TGFBRAP1: variants seen among roughly 807,000 people sequenced by gnomAD.
The protein encoded by TGFBRAP1 is transforming growth factor-beta receptor-associated protein 1.
TGFBRAP1 carries 20 observed loss-of-function variants against 83.2 expected under a neutral mutation model. That is an observed-to-expected ratio of 0.24 (90% CI 0.17 to 0.35). TGFBRAP1 has a LOEUF of 0.35. Among genes scored for constraint, TGFBRAP1 ranks in the 10% least tolerant of loss-of-function variants. TGFBRAP1 has a pLI of 1.00. For missense variants in TGFBRAP1, 950 were observed against 1,099.4 expected, an observed-to-expected ratio of 0.86 and a Z score of 1.92; for synonymous variants, 415 against 459.8, an observed-to-expected ratio of 0.90 and a Z score of 1.25.
At chr2:105,268,872 TTCC>T (rs1341612529) in intron 11 of TGFBRAP1, among the ~76,000 whole-genome samples, 2 of 152,236 alleles carry the variant, frequency 1.3e-5, no homozygotes, top group Non-Finnish European at 2.9e-5. Context: ...CTGCCTCAAT[TTCC>T]TCTCCTGTGA....
the TGFBRAP1 span, among the ~76,000 whole-genome samples, chr2:105,250,819 G>A: frequency 6.6e-6 from 1 of 152,218 alleles, no homozygotes; most frequent in Non-Finnish European, 1.5e-5. Context: ...ACGCCTGACT[G>A]GTTTTCGTAT....
chr2:105,311,145 T>TAA (rs11389565), intron 1 of TGFBRAP1, among the ~76,000 whole-genome samples: 207 of 125,358 alleles, frequency 1.7e-3, no homozygotes, highest in Middle Eastern at 8.8e-3. Flanking sequence ...GAGAGAGCTG[T>TAA]AAAAAAAAAA....
chr2:105,317,647 C>G (rs534159635), intron 1 of TGFBRAP1, among the ~76,000 whole-genome samples: 5 of 152,060 alleles, frequency 3.3e-5, no homozygotes, highest in South Asian at 2.1e-4. Flanking sequence ...TAAATTCTCC[C>G]ATGTGAAAAT....
In TGFBRAP1 at chr2:105,319,690, C is replaced by CAA. The variant is rs201240011; in HGVS notation, c.-18+9933_-18+9934dup. ...CTGGGCAACAAGAGCAAAACTCTCTCAAAAAAAAAAAAAAGGAAAGAAAAA... is the reference window on the plus strand; with the variant it reads ...CTGGGCAACAAGAGCAAAACTCTCTCAAAAAAAAAAAAAAAAGGAAAGAAAAA... On this transcript the variant is annotated intron_variant, in intron 1 of 11. Coordinates refer to ENST00000393359, the MANE Select transcript of TGFBRAP1 (RefSeq NM_004257.6). 5.4e-3 allele frequency among the ~76,000 whole-genome samples: 594 copies of CAA among 109,196 alleles called. 6 individuals are homozygous for CAA. The highest frequency in any genetic ancestry group is 0.019 in the African/African-American group (553 of 28,544). The allele number at this position is 109,196 out of a possible 152,430, so 71.6% of individuals were successfully genotyped here.
chr2:105,267,123 C>A lies in TGFBRAP1; in HGVS notation c.*260G>T. 1 of 439,662 alleles carries A rather than the reference C, an allele frequency of 2.3e-6. No individual in the cohort carries two copies. The allele number at this position is 439,662 out of a possible 1,614,324, so 27.2% of individuals were successfully genotyped here. ...TGTCTTGGATTACTATGTACCTGGA[C>A]AGGTGAACTCTTGTATGTTTCTGTT... On this transcript the variant is annotated 3_prime_UTR_variant, in exon 12 of 12. Coordinates refer to ENST00000393359, the MANE Select transcript of TGFBRAP1 (RefSeq NM_004257.6).
rs1285061039 is a variant in TGFBRAP1 at position 105,308,031 on chromosome 2, G to T, written c.271C>A (p.Leu91Met). 2.5e-6 allele frequency: 4 copies of T among 1,614,028 alleles called. No homozygotes were observed. The Admixed American group carries it at 6.7e-5, about 27-fold the overall frequency. ...ELRAASALNRLLVLCDNSISL... is the reference protein window; with the variant it reads ...ELRAASALNRMLVLCDNSISL... ...ATGGAGTTGTCACACAGCACCAGCA[G>T]CCTGTTGAGTGCTGAGGCCGCACGC... The change falls in exon 2 of 12, where the codon CTG (leucine) becomes ATG (methionine). Residue 91 changes from leucine (L) to methionine (M), a missense_variant. Leu to Met is a conservative substitution (Grantham distance 15). Transcript: ENST00000393359.
Position 105,267,285 on chromosome 2 carries a change from C to A in TGFBRAP1, c.*98G>T. On this transcript the variant is annotated 3_prime_UTR_variant, in exon 12 of 12. Coordinates refer to ENST00000393359, the MANE Select transcript of TGFBRAP1 (RefSeq NM_004257.6). The stretch of plus-strand genomic sequence containing the variant: ...TCCCTGGCACCCAGATGTCTCCCTT[C>A]GTCCTGGCTGACACAGAGCATGGTG... 5 of 1,493,316 alleles carry A rather than the reference C, an allele frequency of 3.3e-6. No homozygotes were observed. In the South Asian group the frequency reaches 5.3e-5, roughly 16 times the overall value. 92.5% of individuals were successfully genotyped at this position (1,493,316 alleles called of 1,614,324 possible).
intron 2 of TGFBRAP1, among the ~76,000 whole-genome samples, chr2:105,306,144 C>A (rs1475329990): frequency 6.7e-6 from 1 of 149,630 alleles, no homozygotes; most frequent in Non-Finnish European, 1.5e-5. Flanking sequence ...CTCACCGCAA[C>A]TGCTGCCTCC....
rs1408914340 is a variant in TGFBRAP1, at chr2:105,269,061, GA to G, written c.2406+210del. The stretch of plus-strand genomic sequence containing the variant: ...TTAATCACCAGCGTCCAAAAGGGGA[GA>G]AAAACTACACCGATGTTACACCTAC... On this transcript the variant is annotated intron_variant, in intron 11 of 11. Coordinates refer to ENST00000393359, the MANE Select transcript of TGFBRAP1 (RefSeq NM_004257.6). The surrounding 1 kb of genome is among the most constrained non-coding windows in gnomAD (Gnocchi z 4.1). Among the ~76,000 whole-genome samples, 1 of 152,184 alleles carries G rather than the reference GA, an allele frequency of 6.6e-6. No homozygotes were observed. The highest frequency in any genetic ancestry group is 1.5e-5 in the Non-Finnish European group (1 of 68,030).
chr2:105,251,908 T>C, the TGFBRAP1 span, among the ~76,000 whole-genome samples: 1 of 149,798 alleles, frequency 6.7e-6, no homozygotes, highest in Non-Finnish European at 1.5e-5. Flanking sequence ...TTAAGGGTGG[T>C]GCAAGATGTG....
chr2:105,273,916 AGAGG>A (rs1220419770), intron 8 of TGFBRAP1, among the ~76,000 whole-genome samples: 2 of 152,250 alleles, frequency 1.3e-5, no homozygotes, highest in Non-Finnish European at 2.9e-5. Context: ...GTCAAAGGCC[AGAGG>A]GCAAAAAATC....
Position 105,267,187 on chromosome 2 carries a change from GC to G in TGFBRAP1, c.*195del. The G allele has an allele frequency of 8.3e-5, 3 of 36,118 alleles. No individual in the cohort carries two copies. Among genetic ancestry groups the G allele is most frequent in the Admixed American group, 8.9e-4 (1 of 1,120 alleles). The allele number at this position is 36,118 out of a possible 1,614,324, so 2.2% of individuals were successfully genotyped here. On this transcript the variant is annotated 3_prime_UTR_variant, in exon 12 of 12. Coordinates refer to ENST00000393359, the MANE Select transcript of TGFBRAP1 (RefSeq NM_004257.6). ...GGGGTTTTCCATGTACATTCATAGAGCCTGGTCATTCCATGTACATTCATAG... is the reference window on the plus strand; with the variant it reads ...GGGGTTTTCCATGTACATTCATAGAGCTGGTCATTCCATGTACATTCATAG...
At chr2:105,251,201 G>T in the TGFBRAP1 span, among the ~76,000 whole-genome samples, 1 of 150,156 alleles carries the variant, frequency 6.7e-6, no homozygotes, top group Admixed American at 6.6e-5. Context: ...CGTCTGGGAA[G>T]TGAGGAGCCC....
intron 2 of TGFBRAP1, among the ~76,000 whole-genome samples, chr2:105,306,342 G>A (rs1429778135): frequency 3.3e-5 from 5 of 152,106 alleles, no homozygotes; most frequent in African/African-American, 9.7e-5. Context: ...GATTATAGGC[G>A]TGAGCCACTG....
chr2:105,321,878 T>C (rs1679078656), intron 1 of TGFBRAP1, among the ~76,000 whole-genome samples: 1 of 152,266 alleles, frequency 6.6e-6, no homozygotes, highest in Non-Finnish European at 1.5e-5. Flanking sequence ...CTTGATATAA[T>C]AATAAATGAC....
At chr2:105,310,592 G>C (rs915107740) in intron 1 of TGFBRAP1, among the ~76,000 whole-genome samples, 1 of 151,954 alleles carries the variant, frequency 6.6e-6, no homozygotes, top group African/African-American at 2.4e-5. Flanking sequence ...CGGGGCTGTG[G>C]GAACATCCCC....
chr2:105,271,174 T>C (rs1677143365), intron 10 of TGFBRAP1, among the ~76,000 whole-genome samples: 2 of 152,156 alleles, frequency 1.3e-5, no homozygotes, highest in African/African-American at 4.8e-5. Context: ...TCTAGAACTG[T>C]ACCTGCCCTT....
chr2:105,250,625 C>T, the TGFBRAP1 span, among the ~76,000 whole-genome samples: 1 of 142,914 alleles, frequency 7.0e-6, no homozygotes, highest in Non-Finnish European at 1.6e-5. Context: ...CTCTCCCTCT[C>T]CCTCTCCCTC....
chr2:105,287,384 C>T lies in TGFBRAP1; in HGVS notation c.1039-2986G>A, dbSNP rs564693839. On this transcript the variant is annotated intron_variant, in intron 4 of 11. Transcript: ENST00000393359. ...ATGTTATGTATATTTTACCACATTACAAAAAAAATAACTTCTCCAGGTAGA... is the reference window on the plus strand; with the variant it reads ...ATGTTATGTATATTTTACCACATTATAAAAAAAATAACTTCTCCAGGTAGA... Among the ~76,000 whole-genome samples, 43 of 151,460 alleles carry T rather than the reference C, an allele frequency of 2.8e-4. No homozygotes were observed. The South Asian group carries it at 8.8e-3, about 31-fold the overall frequency.
Sources: gnomAD v4.1 joint callset for allele counts (sites outside exome capture counted in the v4.1 genomes callset) on GRCh38, gnomAD v4.1.1 for gene constraint, Gnocchi (gnomAD v3.1) non-coding constraint, MANE v1.5 for transcripts, NCBI Gene and HGNC (gene_info 2026-07-23, HGNC 2026-07-21) for gene names.